ZFAT: variants seen among roughly 807,000 people sequenced by gnomAD.
The protein encoded by ZFAT is zinc finger and AT-hook domain containing.
In ZFAT, 64 loss-of-function variants were observed where a neutral mutation model predicts 117.7. The ratio of observed to expected loss-of-function variants is 0.54; its 90% CI spans 0.44 to 0.67. The LOEUF is 0.67. Among genes scored for constraint, ZFAT ranks in the 30% least tolerant of loss-of-function variants. The pLI is 0.00. For synonymous variants in ZFAT, 679 were observed against 615.0 expected (o/e 1.10, Z -1.54); for missense variants, 1,433 against 1,584.5 (o/e 0.90, Z 1.62).
the ZFAT span, among the ~76,000 whole-genome samples, chr8:134,752,756 T>G: frequency 2.0e-5 from 3 of 152,050 alleles, no homozygotes; most frequent in African/African-American, 7.3e-5. Flanking sequence ...CACGCTCACA[T>G]AGCAGAGAGG....
upstream of ZFAT, among the ~76,000 whole-genome samples, chr8:134,714,107 G>GC (rs34806943): frequency 9.6e-3 from 908 of 94,200 alleles, 12 homozygotes; most frequent in Non-Finnish European, 0.011. Context: ...GCAAAGACAT[G>GC]CCCCCCCCCC....
Position 134,608,765 on chromosome 8 carries a change from T to C in ZFAT, c.749A>G (p.Gln250Arg), listed in dbSNP as rs774006774. Residue 250 changes from glutamine (Q) to arginine (R), a missense_variant, in exon 5 of 16, where the codon CAG becomes CGG. Gln to Arg is a conservative substitution (Grantham distance 43). Transcript: ENST00000377838. ...PRRGYQEYAIQQTPYEQPMKS... is the reference protein window; with the variant it reads ...PRRGYQEYAIRQTPYEQPMKS... ...CATTGGTTGCTCATAAGGTGTCTGC[T>C]GAATGGCGTATTCCTGGTAGCCTCT... 1.6e-5 allele frequency: 26 copies of C among 1,611,020 alleles called. No homozygotes were observed. In the South Asian group the frequency reaches 2.9e-4, roughly 18 times the overall value.
At chr8:134,769,942 C>T in the ZFAT span, among the ~76,000 whole-genome samples, 23 of 152,256 alleles carry the variant, frequency 1.5e-4, no homozygotes, top group Non-Finnish European at 2.2e-4. Context: ...CTTTCAGCCA[C>T]GGTTGGAGCA....
chr8:134,483,583 G>A (rs571267282), intron 15 of ZFAT, among the ~76,000 whole-genome samples: 12 of 152,242 alleles, frequency 7.9e-5, no homozygotes, highest in African/African-American at 2.2e-4. Context: ...ATAATATGGC[G>A]CTCACAGTGT....
chr8:134,595,367 G>A (rs1236369522), intron 7 of ZFAT, among the ~76,000 whole-genome samples: 4 of 151,900 alleles, frequency 2.6e-5, no homozygotes, highest in Non-Finnish European at 5.9e-5. Flanking sequence ...GACAGAGAGA[G>A]AATGCTGACT....
intron 13 of ZFAT, among the ~76,000 whole-genome samples, chr8:134,514,323 T>C (rs780550419): frequency 4.6e-5 from 7 of 152,236 alleles, no homozygotes; most frequent in Non-Finnish European, 8.8e-5. Flanking sequence ...ACTGACAAGA[T>C]AGATTGAGTT....
chr8:134,649,895 C>G (rs1831131173), intron 2 of ZFAT, among the ~76,000 whole-genome samples: 1 of 150,534 alleles, frequency 6.6e-6, no homozygotes, highest in Non-Finnish European at 1.5e-5. Flanking sequence ...TGTAATGGAT[C>G]ACTGGGGCAG....
At position 134,574,335 on chromosome 8, in the gene ZFAT, C is replaced by A. The variant is rs1417794769; in HGVS notation, c.2888-8914G>T. Among the ~76,000 whole-genome samples, 4 of 152,116 alleles carry A rather than the reference C, an allele frequency of 2.6e-5. No homozygotes were observed. In the East Asian group the frequency reaches 7.8e-4, roughly 30 times the overall value. On this transcript the variant is annotated intron_variant, in intron 10 of 15. Transcript: ENST00000377838. ...GCTCCTGAAAAGAAAGGCAATCGCT[C>A]CTGGCCTCCCGGCAGCTGTGGGCAG...
chr8:134,721,013 C>G, the ZFAT span, among the ~76,000 whole-genome samples: 1 of 152,174 alleles, frequency 6.6e-6, no homozygotes, highest in Non-Finnish European at 1.5e-5. Context: ...TGTGAGACCA[C>G]GCGGCAAGCT....
At position 134,649,770 on chromosome 8, in the gene ZFAT, A is replaced by T. The variant is rs564531254; in HGVS notation, c.196+7791T>A. ...GATTGGAAGGTTTAAAATTGTTAAG[A>T]TGGCAGTAGTCTCTAAATGGATCTT... On this transcript the variant is annotated intron_variant, in intron 2 of 15. Coordinates refer to ENST00000377838, the MANE Select transcript of ZFAT (RefSeq NM_020863.4). Among the ~76,000 whole-genome samples, 95 of 152,330 alleles carry T rather than the reference A, an allele frequency of 6.2e-4. 1 individual carries two copies. The highest frequency in any genetic ancestry group is 2.2e-3 in the African/African-American group (92 of 41,580).
upstream of ZFAT, among the ~76,000 whole-genome samples, chr8:134,715,489 G>A (rs1814201514): frequency 6.6e-6 from 1 of 152,192 alleles, no homozygotes; most frequent in Admixed American, 6.5e-5. Flanking sequence ...TAAATGGAGA[G>A]ATGAGTCCAC....
At chr8:134,762,536 A>T in the ZFAT span, among the ~76,000 whole-genome samples, 1 of 151,946 alleles carries the variant, frequency 6.6e-6, no homozygotes, top group African/African-American at 2.4e-5. Flanking sequence ...TCCTGATTTC[A>T]TTGGCCTCTT....
At chr8:134,775,010 C>CG in the ZFAT span, among the ~76,000 whole-genome samples, 1 of 152,102 alleles carries the variant, frequency 6.6e-6, no homozygotes, top group African/African-American at 2.4e-5. Flanking sequence ...CCCAGCTACT[C>CG]GGGAGGCTGA....
At chr8:134,617,640 G>A (rs1348640448) in intron 3 of ZFAT, among the ~76,000 whole-genome samples, 2 of 152,150 alleles carry the variant, frequency 1.3e-5, no homozygotes, top group Non-Finnish European at 2.9e-5. Flanking sequence ...TCAAAGGAAT[G>A]CTGTCTACAC....
At chr8:134,821,994 C>T in the ZFAT span, among the ~76,000 whole-genome samples, 1 of 152,056 alleles carries the variant, frequency 6.6e-6, no homozygotes, top group Non-Finnish European at 1.5e-5. Context: ...GAAATTTTAA[C>T]AATAGATAAC....
chr8:134,752,868 T>C, the ZFAT span, among the ~76,000 whole-genome samples: 4 of 152,072 alleles, frequency 2.6e-5, no homozygotes, highest in Non-Finnish European at 4.4e-5. Context: ...CCCAAGTACC[T>C]CCACAAGGCC....
At chr8:134,724,592 A>G in the ZFAT span, among the ~76,000 whole-genome samples, 3 of 151,986 alleles carry the variant, frequency 2.0e-5, no homozygotes, top group South Asian at 6.2e-4. Flanking sequence ...TATGGGTTGA[A>G]CAGCAGCCCT....
chr8:134,532,093 T>G (rs1368590303), intron 12 of ZFAT, among the ~76,000 whole-genome samples: 5 of 152,196 alleles, frequency 3.3e-5, no homozygotes, highest in Non-Finnish European at 7.3e-5. Context: ...TAACAGCACA[T>G]AAGCTAAGCC....
At chr8:134,653,929 T>C (rs1182253160) in intron 2 of ZFAT, among the ~76,000 whole-genome samples, 1 of 152,200 alleles carries the variant, frequency 6.6e-6, no homozygotes. Flanking sequence ...GTTAGCACCA[T>C]TATTTCTAGA....
Sources: gnomAD v4.1 joint callset for allele counts (sites outside exome capture counted in the v4.1 genomes callset) on GRCh38, gnomAD v4.1.1 for gene constraint, MANE v1.5 for transcripts, NCBI Gene and HGNC (gene_info 2026-07-23, HGNC 2026-07-21) for gene names.